OSBPL10: variants seen among roughly 807,000 people sequenced by gnomAD.
OSBPL10 encodes oxysterol-binding protein-related protein 10.
A neutral mutation model predicts 81.7 loss-of-function variants in OSBPL10; 49 were observed. The observed-to-expected ratio is 0.60, with a 90% CI of 0.48 to 0.76. OSBPL10 has a LOEUF of 0.76. OSBPL10 is among the 30% of genes least tolerant of loss of function. The pLI, the probability that OSBPL10 is intolerant of heterozygous loss-of-function variation, is 0.00. For synonymous variants in OSBPL10, 419 were observed against 383.6 expected, an observed-to-expected ratio of 1.09 and a Z score of -1.08; for missense variants, 923 against 987.8, an observed-to-expected ratio of 0.93 and a Z score of 0.88.
chr3:31,976,848 G>A (rs373871834), intron 1 of OSBPL10, among the ~76,000 whole-genome samples: 4 of 152,122 alleles, frequency 2.6e-5, no homozygotes, highest in Non-Finnish European at 5.9e-5. Context: ...AGAATTGAAG[G>A]TTGGTTCCAC....
At chr3:32,039,427 C>A (rs909208348) in intron 2 of OSBPL10, among the ~76,000 whole-genome samples, 1 of 147,566 alleles carries the variant, frequency 6.8e-6, no homozygotes, top group African/African-American at 2.5e-5. Flanking sequence ...GAGGCCGAGG[C>A]GGGCAGATAA....
chr3:31,943,997 T>TAAAAAAAAAAAAAA (rs1697618363), intron 1 of OSBPL10, among the ~76,000 whole-genome samples: 2 of 106,336 alleles, frequency 1.9e-5, no homozygotes, highest in African/African-American at 5.0e-5. Context: ...AAAAAAAAAG[T>TAAAAAAAAAAAAAA]TCTTTAGAAA....
At chr3:31,929,485 C>T (rs1036754413) in intron 1 of OSBPL10, among the ~76,000 whole-genome samples, 1 of 152,110 alleles carries the variant, frequency 6.6e-6, no homozygotes, top group African/African-American at 2.4e-5. Context: ...CGGTGGCTCA[C>T]GCCTGTAATA....
intron 1 of OSBPL10, among the ~76,000 whole-genome samples, chr3:31,922,424 G>A (rs1696943615): frequency 6.6e-6 from 1 of 152,138 alleles, no homozygotes; most frequent in African/African-American, 2.4e-5. Flanking sequence ...TTCGAGACCA[G>A]CCTAACCAAC....
intron 4 of OSBPL10, among the ~76,000 whole-genome samples, chr3:31,792,389 G>T (rs1057082388): frequency 6.6e-6 from 1 of 152,152 alleles, no homozygotes; most frequent in South Asian, 2.1e-4. Flanking sequence ...AGTTTTCAAA[G>T]TTGAGGGCAG....
At chr3:31,700,752 T>C (rs529335469) in intron 7 of OSBPL10, among the ~76,000 whole-genome samples, 2 of 152,322 alleles carry the variant, frequency 1.3e-5, no homozygotes, top group East Asian at 3.9e-4. Context: ...TGTCTGGGTG[T>C]CTACACAATC....
At chr3:32,073,477 A>G (rs1463695091) in intron 1 of OSBPL10, among the ~76,000 whole-genome samples, 1 of 152,140 alleles carries the variant, frequency 6.6e-6, no homozygotes, top group Non-Finnish European at 1.5e-5. Context: ...TATCCATCAG[A>G]CAGACAGCCT....
At chr3:31,674,795 A>G (rs570832368) in intron 8 of OSBPL10, among the ~76,000 whole-genome samples, 1 of 152,284 alleles carries the variant, frequency 6.6e-6, no homozygotes, top group East Asian at 1.9e-4. Context: ...TGTGAGTCAA[A>G]TAAACCTCTT....
intron 4 of OSBPL10, among the ~76,000 whole-genome samples, chr3:31,757,374 A>G (rs905614429): frequency 6.6e-6 from 1 of 152,154 alleles, no homozygotes; most frequent in African/African-American, 2.4e-5. Flanking sequence ...CTGAGGCAGA[A>G]AGATCACTTG....
chr3:31,712,704 C>G (rs879508671), intron 6 of OSBPL10, among the ~76,000 whole-genome samples: 4 of 152,226 alleles, frequency 2.6e-5, no homozygotes, highest in East Asian at 3.9e-4. Context: ...TGCAGAACTA[C>G]GAGATGATAA....
intron 2 of OSBPL10, among the ~76,000 whole-genome samples, chr3:32,029,018 G>T (rs1199867862): frequency 6.8e-6 from 1 of 147,172 alleles, no homozygotes; most frequent in Non-Finnish European, 1.5e-5. Context: ...ATCAGGTGAT[G>T]GTCAGGCTGT....
At chr3:31,832,581 A>G (rs988837236) in intron 3 of OSBPL10, among the ~76,000 whole-genome samples, 1 of 152,214 alleles carries the variant, frequency 6.6e-6, no homozygotes, top group Non-Finnish European at 1.5e-5. Flanking sequence ...CACCATAGAT[A>G]CCTATAATAT....
At chr3:31,732,373 T>C (rs1242596419) in intron 6 of OSBPL10, among the ~76,000 whole-genome samples, 1 of 152,172 alleles carries the variant, frequency 6.6e-6, no homozygotes, top group African/African-American at 2.4e-5. Context: ...CCAAAACCAT[T>C]TGATCAAAGA....
intron 4 of OSBPL10, among the ~76,000 whole-genome samples, chr3:31,800,413 C>T (rs1038825124): frequency 1.3e-5 from 2 of 152,204 alleles, no homozygotes; most frequent in Non-Finnish European, 2.9e-5. Flanking sequence ...AGCAGTTGGG[C>T]CCAGCACAAA....
chr3:31,905,279 A>G (rs1696370363), intron 1 of OSBPL10, among the ~76,000 whole-genome samples: 1 of 151,724 alleles, frequency 6.6e-6, no homozygotes, highest in Non-Finnish European at 1.5e-5. Flanking sequence ...CGATGATATC[A>G]AACTTGTCAA....
chr3:31,998,076 C>T (rs758230021), intron 2 of OSBPL10, among the ~76,000 whole-genome samples: 13 of 152,260 alleles, frequency 8.5e-5, no homozygotes, highest in African/African-American at 2.6e-4. Context: ...TGTGAGCAGC[C>T]GTGCCCAGCT....
chr3:31,739,320 G>A (rs1424216944), intron 5 of OSBPL10, among the ~76,000 whole-genome samples: 1 of 152,096 alleles, frequency 6.6e-6, no homozygotes, highest in African/African-American at 2.4e-5. Flanking sequence ...AGAAAGGAAG[G>A]AAGAAACAAG....
intron 2 of OSBPL10, among the ~76,000 whole-genome samples, chr3:31,988,479 G>A (rs2125518246): frequency 6.6e-6 from 1 of 152,322 alleles, no homozygotes; most frequent in South Asian, 2.1e-4. Context: ...CTTTAGAGGT[G>A]AAACTTAATT....
intron 1 of OSBPL10, among the ~76,000 whole-genome samples, chr3:31,971,839 T>C (rs1040741426): frequency 6.6e-6 from 1 of 152,194 alleles, no homozygotes; most frequent in Non-Finnish European, 1.5e-5. Context: ...GAAGACTGTA[T>C]AGCCCACAAA....
Sources: allele counts gnomAD v4.1 joint callset (sites outside exome capture counted in the v4.1 genomes callset), GRCh38; gene constraint gnomAD v4.1.1; transcripts MANE v1.5; gene names NCBI Gene and HGNC (gene_info 2026-07-23, HGNC 2026-07-21).